ST6GAL2: variants seen among roughly 807,000 people sequenced by gnomAD.
ST6GAL2 encodes ST6 beta-galactoside alpha-2,6-sialyltransferase 2.
Under a neutral mutation model 37.5 loss-of-function variants are expected in ST6GAL2, and 24 were observed. The ratio of observed to expected loss-of-function variants is 0.64; its 90% CI spans 0.46 to 0.90. ST6GAL2 has a LOEUF of 0.90. Ranked by LOEUF, ST6GAL2 falls within the 40% of genes least tolerant of loss-of-function variation. The probability of loss-of-function intolerance (pLI) is 0.00; values close to 1 mark genes in which losing one functional copy is unlikely to be tolerated. For missense variants in ST6GAL2, 715 were observed against 712.7 expected, an observed-to-expected ratio of 1.00 and a Z score of -0.04; for synonymous variants, 306 against 295.1, an observed-to-expected ratio of 1.04 and a Z score of -0.38.
intron 5 of ST6GAL2, among the ~76,000 whole-genome samples, chr2:106,809,404 G>A (rs2104413238): frequency 6.6e-6 from 1 of 152,328 alleles, no homozygotes; most frequent in South Asian, 2.1e-4. Context: ...TGCTACTTGG[G>A]CATTTCTATG....
At chr2:106,880,935 CAT>C (rs768085960) in intron 1 of ST6GAL2, among the ~76,000 whole-genome samples, 95 of 152,210 alleles carry the variant, frequency 6.2e-4, no homozygotes, top group Admixed American at 1.0e-3. Context: ...TATGTGTGCA[CAT>C]GTGTTCTTTT....
chr2:106,838,659 G>A (rs1331395655), intron 2 of ST6GAL2, among the ~76,000 whole-genome samples: 1 of 152,162 alleles, frequency 6.6e-6, no homozygotes. Context: ...TGTGACTGGA[G>A]GTACCTTCAT....
At chr2:106,838,587 A>C (rs1676741176) in intron 2 of ST6GAL2, among the ~76,000 whole-genome samples, 1 of 152,178 alleles carries the variant, frequency 6.6e-6, no homozygotes, top group Non-Finnish European at 1.5e-5. Context: ...CATCATGGGC[A>C]CAGGGCTGAG....
At chr2:106,834,200 C>A in intron 2 of ST6GAL2, 54 bp from the exon 3 acceptor site, 1 of 1,337,084 alleles carries the variant, frequency 7.5e-7, no homozygotes, top group Admixed American at 1.8e-5. Flanking sequence ...ATCACATAAT[C>A]TAGGAAAAAA....
rs560477660 is a variant in ST6GAL2, at chr2:106,878,937, T to G, written c.-58+7156A>C. Among the ~76,000 whole-genome samples, 3 of 152,290 alleles carry G rather than the reference T, an allele frequency of 2.0e-5. No homozygotes were observed. In the East Asian group the frequency reaches 5.8e-4, roughly 29 times the overall value. ...ATCGACATGGAGTAAAATGAGTTTGTTTAGTTTTACCTGTAAGACACACAC... is the reference window on the plus strand; with the variant it reads ...ATCGACATGGAGTAAAATGAGTTTGGTTAGTTTTACCTGTAAGACACACAC... On this transcript the variant is annotated intron_variant, in intron 1 of 5. Transcript: ENST00000409382.
At chr2:106,862,580 T>C (rs1677847889) in intron 1 of ST6GAL2, among the ~76,000 whole-genome samples, 1 of 152,034 alleles carries the variant, frequency 6.6e-6, no homozygotes, top group Non-Finnish European at 1.5e-5. Flanking sequence ...AAGTTCAAGT[T>C]AAGGCATGTA....
chr2:106,837,209 C>T lies in ST6GAL2; in HGVS notation c.944-3063G>A, dbSNP rs189182518. 2.8e-3 allele frequency among the ~76,000 whole-genome samples: 431 copies of T among 152,170 alleles called. 2 individuals carry two copies. The highest frequency in any genetic ancestry group is 0.014 in the Middle Eastern group (4 of 292). Reference sequence around the variant, plus strand: ...TATTTCATGAAAAAAGTGGCTAGTTCGGCTCACAGTGCAATTACCCAAGGG... The same window carrying T: ...TATTTCATGAAAAAAGTGGCTAGTTTGGCTCACAGTGCAATTACCCAAGGG... On this transcript the variant is annotated intron_variant, in intron 2 of 5. Coordinates refer to ENST00000409382, the MANE Select transcript of ST6GAL2 (RefSeq NM_001142351.2).
chr2:106,822,553 T>C (rs1021565916), intron 5 of ST6GAL2, among the ~76,000 whole-genome samples: 3 of 152,124 alleles, frequency 2.0e-5, no homozygotes, highest in Admixed American at 6.5e-5. Context: ...ATCAATACTG[T>C]TCAAATGTCC....
At chr2:106,855,510 G>GTAGC (rs1473926920) in intron 1 of ST6GAL2, among the ~76,000 whole-genome samples, 3 of 152,302 alleles carry the variant, frequency 2.0e-5, no homozygotes, top group Admixed American at 6.5e-5. Context: ...AAATCACCTA[G>GTAGC]TAGCTACCTC....
chr2:106,883,621 C>T (rs1399906664), intron 1 of ST6GAL2, among the ~76,000 whole-genome samples: 1 of 152,076 alleles, frequency 6.6e-6, no homozygotes, highest in Non-Finnish European at 1.5e-5. Context: ...CTTAGAAAAT[C>T]AAAGCTTAAC....
At chr2:106,839,934 A>G (rs1002641195) in intron 2 of ST6GAL2, among the ~76,000 whole-genome samples, 4 of 152,230 alleles carry the variant, frequency 2.6e-5, no homozygotes, top group African/African-American at 9.6e-5. Context: ...AGTGTTTACA[A>G]CTGCTCTACT....
At chr2:106,848,613 C>G (rs2377688) in intron 1 of ST6GAL2, among the ~76,000 whole-genome samples, 3 of 152,062 alleles carry the variant, frequency 2.0e-5, no homozygotes, top group Admixed American at 6.5e-5. Context: ...AGTGCCCCCC[C>G]ACACCAGATA....
At chr2:106,856,759 C>T (rs1419057929) in intron 1 of ST6GAL2, among the ~76,000 whole-genome samples, 1 of 152,166 alleles carries the variant, frequency 6.6e-6, no homozygotes, top group African/African-American at 2.4e-5. Context: ...AAAATAAGGA[C>T]ATTTGACAAT....
intron 1 of ST6GAL2, chr2:106,885,847 G>T (rs1307940823): frequency 6.6e-6 from 1 of 152,320 alleles, no homozygotes; most frequent in Admixed American, 6.5e-5. Context: ...AGAGCCAAAA[G>T]AGCCAAAATA....
intron 5 of ST6GAL2, among the ~76,000 whole-genome samples, chr2:106,807,675 C>A (rs1280910881): frequency 7.0e-6 from 1 of 143,698 alleles, no homozygotes; most frequent in Non-Finnish European, 1.5e-5. Context: ...GTTGCTCAAG[C>A]TGGAGTGCAG....
In ST6GAL2 at chr2:106,832,243, C is replaced by T. The variant is rs535423502; in HGVS notation, c.1143+322G>A. Among the ~76,000 whole-genome samples the T allele has an allele frequency of 9.3e-4, 142 of 152,290 alleles. No homozygotes were observed. In the Middle Eastern group the frequency reaches 0.014, roughly 15 times the overall value. On this transcript the variant is annotated intron_variant, in intron 4 of 5. Coordinates refer to ENST00000409382, the MANE Select transcript of ST6GAL2 (RefSeq NM_001142351.2). ...TACTTGAAAGGTAATGTAGCCCTAT[C>T]ACAATGAAACAATTCTGAGTTTAAT...
chr2:106,850,130 A>G (rs573066549), intron 1 of ST6GAL2, among the ~76,000 whole-genome samples: 1 of 152,274 alleles, frequency 6.6e-6, no homozygotes, highest in South Asian at 2.1e-4. Flanking sequence ...ATTATATGAA[A>G]ACGCCTAGTT....
rs1407660383 is a variant in ST6GAL2 at position 106,843,810 on chromosome 2, C to G, written c.168G>C (p.Gly56=). 3 of 1,611,744 alleles carry G rather than the reference C, an allele frequency of 1.9e-6. No individual in the cohort carries two copies. Among genetic ancestry groups the G allele is most frequent in the Middle Eastern group, 3.3e-4 (2 of 6,024 alleles). The part of the protein sequence containing the change: ...LETRRLLPVQ[G]KQRAIMGAAH... ...CGGCGCCCATGATGGCCCGCTGCTT[C>G]CCCTGCACCGGCAGGAGCCTCCTGG... The change falls in exon 2 of 6, where the codon GGG becomes GGC. Residue 56 remains glycine, a synonymous_variant. Transcript: ENST00000409382.
chr2:106,882,071 T>C (rs1216972739), intron 1 of ST6GAL2, among the ~76,000 whole-genome samples: 3 of 152,220 alleles, frequency 2.0e-5, no homozygotes, highest in Non-Finnish European at 4.4e-5. Context: ...CCACATTTCA[T>C]AGCCCATTTT....
Sources: gnomAD v4.1 joint callset for allele counts (sites outside exome capture counted in the v4.1 genomes callset) on GRCh38, gnomAD v4.1.1 for gene constraint, MANE v1.5 for transcripts, NCBI Gene and HGNC (gene_info 2026-07-23, HGNC 2026-07-21) for gene names.